PKP4: variants seen among roughly 807,000 people sequenced by gnomAD.
PKP4 encodes plakophilin 4, also known as plakophilin-4.
Under a neutral mutation model 145.1 loss-of-function variants are expected in PKP4, and 90 were observed. The observed-to-expected ratio is 0.62, with a 90% CI of 0.52 to 0.74. PKP4 has a LOEUF of 0.74. PKP4 is among the 30% of genes least tolerant of loss of function. The probability of loss-of-function intolerance (pLI) is 0.00; values close to 1 mark genes in which losing one functional copy is unlikely to be tolerated. For synonymous variants in PKP4, 563 were observed against 577.2 expected (o/e 0.98, Z 0.35); for missense variants, 1,340 against 1,482.7 (o/e 0.90, Z 1.58).
At chr2:158,668,301 C>G (rs1488048833) in intron 16 of PKP4, among the ~76,000 whole-genome samples, 1 of 152,118 alleles carries the variant, frequency 6.6e-6, no homozygotes, top group Admixed American at 6.5e-5. Context: ...CTAATTTACC[C>G]AGTACTTCAG....
chr2:158,528,892 T>TA (rs1253023534), intron 1 of PKP4, among the ~76,000 whole-genome samples: 1 of 152,178 alleles, frequency 6.6e-6, no homozygotes, highest in East Asian at 1.9e-4. Flanking sequence ...AGGTGGCTGA[T>TA]ACAGAGACAG....
In PKP4 at chr2:158,556,846, A is replaced by G. The variant is rs116512867; in HGVS notation, c.133-20425A>G. Among the ~76,000 whole-genome samples the G allele has an allele frequency of 4.5e-3, 690 of 152,368 alleles. 2 individuals carry two copies. The highest frequency in any genetic ancestry group is 0.015 in the African/African-American group (640 of 41,586). On this transcript the variant is annotated intron_variant, in intron 2 of 21. Transcript: ENST00000389759. The stretch of plus-strand genomic sequence containing the variant: ...AAATTGAAGGAGATGATCACGTCAG[A>G]GTAAAGCCAGGTAGTGAGACCTCTG...
intron 1 of PKP4, among the ~76,000 whole-genome samples, chr2:158,513,957 C>G (rs900040992): frequency 2.0e-5 from 3 of 152,172 alleles, no homozygotes; most frequent in Non-Finnish European, 4.4e-5. Flanking sequence ...ACCCCGCTCT[C>G]CCATGCGAAG....
At chr2:158,513,109 T>C (rs2041653850) in intron 1 of PKP4, among the ~76,000 whole-genome samples, 1 of 152,212 alleles carries the variant, frequency 6.6e-6, no homozygotes, top group Admixed American at 6.5e-5. Flanking sequence ...CTTCTCTAAT[T>C]ATGACAGCAA....
At chr2:158,484,288 C>T (rs1693841561) in intron 1 of PKP4, among the ~76,000 whole-genome samples, 3 of 151,832 alleles carry the variant, frequency 2.0e-5, no homozygotes. Context: ...ACCTCGTGAT[C>T]CACCCACCTC....
intron 2 of PKP4, among the ~76,000 whole-genome samples, chr2:158,575,178 G>A (rs2047739039): frequency 6.6e-6 from 1 of 152,208 alleles, no homozygotes; most frequent in African/African-American, 2.4e-5. Context: ...ACAGAATTGT[G>A]TATGGAGGTT....
At chr2:158,482,032 C>T (rs965328210) in intron 1 of PKP4, among the ~76,000 whole-genome samples, 5 of 152,118 alleles carry the variant, frequency 3.3e-5, no homozygotes, top group African/African-American at 7.2e-5. Flanking sequence ...CAGTTGTGAT[C>T]GCTCATGCCA....
chr2:158,538,041 G>A (rs1343222122), intron 2 of PKP4, among the ~76,000 whole-genome samples: 2 of 151,970 alleles, frequency 1.3e-5, no homozygotes, highest in Admixed American at 6.6e-5. Context: ...AAAATGTGGT[G>A]CCCTCAAAGG....
At chr2:158,574,907 G>T (rs1030874978) in intron 2 of PKP4, among the ~76,000 whole-genome samples, 1 of 152,182 alleles carries the variant, frequency 6.6e-6, no homozygotes, top group Non-Finnish European at 1.5e-5. Context: ...GCTACATCAT[G>T]CATGTATAGG....
In PKP4 at chr2:158,654,705, C is replaced by T. The variant is rs375089959; in HGVS notation, c.1910-3426C>T. Reference sequence around the variant, plus strand: ...AAATTTTGTTAGAGATCCTCTCCCCCAGTTGCAAACTTAAAGGACACTCCT... The same window carrying T: ...AAATTTTGTTAGAGATCCTCTCCCCTAGTTGCAAACTTAAAGGACACTCCT... On this transcript the variant is annotated intron_variant, in intron 11 of 21. Transcript: ENST00000389759. Among the ~76,000 whole-genome samples, 6 of 152,094 alleles carry T rather than the reference C, an allele frequency of 3.9e-5. No homozygotes were observed. The East Asian group carries it at 7.7e-4, about 20-fold the overall frequency.
At chr2:158,655,802 C>T (rs2055857434) in intron 11 of PKP4, among the ~76,000 whole-genome samples, 1 of 152,228 alleles carries the variant, frequency 6.6e-6, no homozygotes, top group Admixed American at 6.5e-5. Flanking sequence ...TTCTGGGCTG[C>T]ATGCTGCCAC....
chr2:158,486,552 G>A (rs181666867), intron 1 of PKP4, among the ~76,000 whole-genome samples: 16 of 152,348 alleles, frequency 1.1e-4, no homozygotes, highest in Admixed American at 2.6e-4. Flanking sequence ...TAAGAATGTG[G>A]AAGGTAATGT....
chr2:158,603,119 A>T lies in PKP4; in HGVS notation c.280+15A>T. ...GAGATCAACAGGTATGTTTTTTATT[A>T]TATAAAAGTTATGTTTGATAAACAC... On this transcript the variant is annotated intron_variant, in intron 4 of 21. Transcript: ENST00000389759. 7.1e-7 allele frequency: 1 copy of T among 1,409,774 alleles called. No individual in the cohort carries two copies. The highest frequency in any genetic ancestry group is 2.4e-5 in the East Asian group (1 of 41,660). The allele number at this position is 1,409,774 out of a possible 1,614,324, so 87.3% of individuals were successfully genotyped here.
In PKP4 at chr2:158,666,330, T is replaced by G. The variant is rs2057078718; in HGVS notation, c.2578-83T>G. 2.5e-6 allele frequency: 3 copies of G among 1,197,762 alleles called. No homozygotes were observed. In the South Asian group the frequency reaches 6.5e-5, roughly 26 times the overall value. The allele number at this position is 1,197,762 out of a possible 1,614,324, so 74.2% of individuals were successfully genotyped here. On this transcript the variant is annotated intron_variant, in intron 15 of 21. Coordinates refer to ENST00000389759, the MANE Select transcript of PKP4 (RefSeq NM_003628.6). ...CCATTTAATCTATTAGTTCATCTTTTGGAAACATCTTTTTTAGGTGACAGT... is the reference window on the plus strand; with the variant it reads ...CCATTTAATCTATTAGTTCATCTTTGGGAAACATCTTTTTTAGGTGACAGT...
chr2:158,613,175 G>A (rs981026439), intron 4 of PKP4, among the ~76,000 whole-genome samples: 2 of 152,120 alleles, frequency 1.3e-5, no homozygotes, highest in Admixed American at 1.3e-4. Context: ...GGAACCAGGC[G>A]TCAGTGGGGT....
Position 158,633,833 on chromosome 2 carries a change from C to T in PKP4, c.1343-237C>T, listed in dbSNP as rs73969020. Among the ~76,000 whole-genome samples, 345 of 152,248 alleles carry T rather than the reference C, an allele frequency of 2.3e-3. 1 individual carries two copies. The highest frequency in any genetic ancestry group is 7.6e-3 in the African/African-American group (317 of 41,548). The stretch of plus-strand genomic sequence containing the variant: ...AACCTCAATGAACATACTATATAAG[C>T]AGATTTGTAGTTTCACTTTTGCTGT... On this transcript the variant is annotated intron_variant, in intron 8 of 21. Transcript: ENST00000389759.
intron 1 of PKP4, among the ~76,000 whole-genome samples, chr2:158,510,073 A>C (rs544515170): frequency 3.3e-4 from 50 of 152,372 alleles, no homozygotes; most frequent in African/African-American, 1.2e-3. Flanking sequence ...AAGAAATTCA[A>C]AACCCTCACC....
At chr2:158,598,534 G>A (rs906288177) in intron 3 of PKP4, among the ~76,000 whole-genome samples, 1 of 152,202 alleles carries the variant, frequency 6.6e-6, no homozygotes, top group South Asian at 2.1e-4. Flanking sequence ...TTGGGAGGCT[G>A]AGGCGGGCGG....
At chr2:158,647,911 A>G (rs998617403) in intron 11 of PKP4, among the ~76,000 whole-genome samples, 2 of 152,266 alleles carry the variant, frequency 1.3e-5, no homozygotes, top group African/African-American at 4.8e-5. Flanking sequence ...TAAAAAAGAT[A>G]TGTTGAACTC....
Sources: allele counts gnomAD v4.1 joint callset (sites outside exome capture counted in the v4.1 genomes callset), GRCh38; gene constraint gnomAD v4.1.1; transcripts MANE v1.5; gene names NCBI Gene and HGNC (gene_info 2026-07-23, HGNC 2026-07-21).